The following PTPRT variants were observed in gnomAD, a reference collection of about 807,000 sequenced individuals.
The protein encoded by PTPRT is protein tyrosine phosphatase receptor type T.
Under a neutral mutation model 176.8 loss-of-function variants are expected in PTPRT, and 56 were observed. That is an observed-to-expected ratio of 0.32 (90% CI 0.26 to 0.40). PTPRT has a LOEUF of 0.40. Ranked by LOEUF, PTPRT falls within the 10% of genes least tolerant of loss-of-function variation. PTPRT has a pLI of 1.00. For missense variants in PTPRT, 1,540 were observed against 1,908.2 expected (o/e 0.81, Z 3.60); for synonymous variants, 783 against 739.0 (o/e 1.06, Z -0.96).
intron 7 of PTPRT, among the ~76,000 whole-genome samples, chr20:42,535,470 T>C (rs569158095): frequency 9.8e-5 from 15 of 152,286 alleles, no homozygotes; most frequent in Non-Finnish European, 2.1e-4. Context: ...CCAGAGCCTA[T>C]AAAATAAAAG....
intron 13 of PTPRT, among the ~76,000 whole-genome samples, chr20:42,255,780 C>T (rs963017692): frequency 4.6e-5 from 7 of 152,156 alleles, no homozygotes; most frequent in Non-Finnish European, 1.0e-4. Context: ...CATTTAATTG[C>T]AATTGATAAA....
intron 6 of PTPRT, among the ~76,000 whole-genome samples, chr20:42,739,880 C>A (rs900319370): frequency 1.3e-5 from 2 of 152,204 alleles, no homozygotes; most frequent in Non-Finnish European, 2.9e-5. Context: ...GGGAGCCCCA[C>A]CTATGCATGT....
At chr20:42,091,404 A>G (rs1984605309) in intron 27 of PTPRT, among the ~76,000 whole-genome samples, 1 of 152,246 alleles carries the variant, frequency 6.6e-6, no homozygotes, top group African/African-American at 2.4e-5. Context: ...AAACTAGCAT[A>G]TGGGTCTATT....
intron 5 of PTPRT, among the ~76,000 whole-genome samples, chr20:42,766,287 T>C (rs567378532): frequency 3.3e-5 from 5 of 152,194 alleles, no homozygotes; most frequent in Non-Finnish European, 7.3e-5. Flanking sequence ...AAGTTATGAC[T>C]GAGCCCCTTC....
chr20:42,138,369 G>T (rs1365601776), intron 18 of PTPRT, among the ~76,000 whole-genome samples: 2 of 152,190 alleles, frequency 1.3e-5, no homozygotes, highest in Admixed American at 6.5e-5. Flanking sequence ...GCCACCAAAG[G>T]TCGCACCCAC....
chr20:42,643,796 C>A (rs562891328), intron 7 of PTPRT, among the ~76,000 whole-genome samples: 8 of 152,008 alleles, frequency 5.3e-5, no homozygotes, highest in Non-Finnish European at 1.0e-4. Context: ...CTGCTTTATA[C>A]GACTGGTTGC....
At chr20:42,214,364 G>A (rs992382286) in intron 15 of PTPRT, among the ~76,000 whole-genome samples, 11 of 152,098 alleles carry the variant, frequency 7.2e-5, no homozygotes, top group African/African-American at 2.4e-4. Context: ...CTCATGTCCT[G>A]CAGGCAATGA....
chr20:42,580,496 G>C (rs1487089409), intron 7 of PTPRT, among the ~76,000 whole-genome samples: 2 of 152,120 alleles, frequency 1.3e-5, no homozygotes, highest in Non-Finnish European at 2.9e-5. Context: ...ACCTTGGGCA[G>C]TATGGCCATT....
intron 16 of PTPRT, among the ~76,000 whole-genome samples, chr20:42,188,018 C>T (rs753714648): frequency 3.3e-5 from 5 of 152,156 alleles, no homozygotes; most frequent in Non-Finnish European, 7.3e-5. Flanking sequence ...CATTTATATC[C>T]CCAGGCCAGG....
At chr20:42,443,995 T>C (rs2059341240) in intron 9 of PTPRT, among the ~76,000 whole-genome samples, 1 of 152,160 alleles carries the variant, frequency 6.6e-6, no homozygotes, top group African/African-American at 2.4e-5. Flanking sequence ...TTTAAGAATA[T>C]AAATTGGATC....
intron 9 of PTPRT, among the ~76,000 whole-genome samples, chr20:42,420,648 T>C (rs1177281534): frequency 1.3e-5 from 2 of 152,210 alleles, no homozygotes; most frequent in Non-Finnish European, 2.9e-5. Context: ...TCTGAGCCAC[T>C]GATGTAGTCC....
At position 42,393,278 on chromosome 20, in the gene PTPRT, T is replaced by C. The variant is rs74830610; in HGVS notation, c.1561-40993A>G. ...GGTAGCATGTTCTGAACCCCATCGA[T>C]TGTGAAGTCAGTAAATCCATCTTCA... On this transcript the variant is annotated intron_variant, in intron 9 of 30. Coordinates refer to ENST00000373187, the MANE Select transcript of PTPRT (RefSeq NM_007050.6). Among the ~76,000 whole-genome samples, 168 of 152,338 alleles carry C rather than the reference T, an allele frequency of 1.1e-3. 1 individual carries two copies. The highest frequency in any genetic ancestry group is 1.5e-3 in the Non-Finnish European group (103 of 68,022).
At chr20:42,488,101 A>C (rs1484344210) in intron 7 of PTPRT, among the ~76,000 whole-genome samples, 4 of 152,102 alleles carry the variant, frequency 2.6e-5, no homozygotes, top group African/African-American at 9.7e-5. Context: ...CAACCATTGC[A>C]TGGGGTTCTG....
At chr20:42,148,618 G>T (rs1317036224) in intron 17 of PTPRT, among the ~76,000 whole-genome samples, 1 of 152,138 alleles carries the variant, frequency 6.6e-6, no homozygotes, top group African/African-American at 2.4e-5. Context: ...AGCAGCCCCT[G>T]AATTCTGGGA....
intron 9 of PTPRT, among the ~76,000 whole-genome samples, chr20:42,408,102 A>ATT (rs2058978664): frequency 1.3e-5 from 2 of 152,174 alleles, no homozygotes. Context: ...ATGAAATACA[A>ATT]TTTCACTCAG....
At chr20:42,795,654 C>T (rs1202927743) in intron 2 of PTPRT, among the ~76,000 whole-genome samples, 4 of 152,196 alleles carry the variant, frequency 2.6e-5, no homozygotes, top group Non-Finnish European at 4.4e-5. Flanking sequence ...GGAATGGATG[C>T]TGGTGGGGCC....
At chr20:42,887,744 C>T (rs1456200496) in intron 1 of PTPRT, among the ~76,000 whole-genome samples, 6 of 152,182 alleles carry the variant, frequency 3.9e-5, no homozygotes, top group Non-Finnish European at 4.4e-5. Context: ...ACTTTCCTTT[C>T]TTGTTGGATA....
chr20:42,172,450 G>A (rs1990116843), intron 16 of PTPRT, among the ~76,000 whole-genome samples: 1 of 152,206 alleles, frequency 6.6e-6, no homozygotes. Flanking sequence ...GAGAAGCCCT[G>A]AGACACATCT....
intron 1 of PTPRT, among the ~76,000 whole-genome samples, chr20:43,053,035 T>A (rs1987106659): frequency 6.8e-6 from 1 of 147,628 alleles, no homozygotes; most frequent in South Asian, 2.1e-4. Flanking sequence ...CATATCCATA[T>A]GATGGAATAT....
Sources: allele counts gnomAD v4.1 joint callset (sites outside exome capture counted in the v4.1 genomes callset), GRCh38; gene constraint gnomAD v4.1.1; transcripts MANE v1.5; gene names NCBI Gene and HGNC (gene_info 2026-07-23, HGNC 2026-07-21).